The following LMNA variants were observed in gnomAD, a reference collection of about 807,000 sequenced individuals.
LMNA encodes lamin.
LMNA carries 20 observed loss-of-function variants against 70.4 expected under a neutral mutation model. That is an observed-to-expected ratio of 0.28 (90% confidence interval 0.20 to 0.41). The LOEUF is 0.41. Ranked by LOEUF, LMNA falls within the 10% of genes least tolerant of loss-of-function variation. The pLI, the probability that LMNA is intolerant of heterozygous loss-of-function variation, is 1.00. For missense variants in LMNA, 652 were observed against 917.2 expected, an observed-to-expected ratio of 0.71 and a Z score of 3.73; for synonymous variants, 339 against 372.8, an observed-to-expected ratio of 0.91 and a Z score of 1.04.
chr1:156,090,109 G>T (rs1648642135), intron 2 of LMNA, among the ~76,000 whole-genome samples: 1 of 152,200 alleles, frequency 6.6e-6, no homozygotes, highest in Non-Finnish European at 1.5e-5. Flanking sequence ...TTTTCTAATT[G>T]CCCTCTCTGT....
chr1:156,086,382 GGTGAC>G (rs983234107), intron 2 of LMNA, among the ~76,000 whole-genome samples: 4 of 129,776 alleles, frequency 3.1e-5, no homozygotes, highest in African/African-American at 1.3e-4. Flanking sequence ...CTGGAATGCA[GGTGAC>G]CTCTGACTCT....
At chr1:156,099,226 G>C (rs868616718) in intron 3 of LMNA, among the ~76,000 whole-genome samples, 1 of 152,134 alleles carries the variant, frequency 6.6e-6, no homozygotes, top group South Asian at 2.1e-4. Flanking sequence ...TCTAGGCCTG[G>C]ATTGTGGCTT....
intron 1 of LMNA, among the ~76,000 whole-genome samples, chr1:156,123,568 C>A (rs1446989522): frequency 6.6e-6 from 1 of 152,158 alleles, no homozygotes; most frequent in Non-Finnish European, 1.5e-5. Flanking sequence ...CTCCCTCCCG[C>A]CCCCTTCAGG....
chr1:156,133,348 A>G (rs981008765), intron 2 of LMNA, among the ~76,000 whole-genome samples: 1 of 151,846 alleles, frequency 6.6e-6, no homozygotes, highest in African/African-American at 2.4e-5. Context: ...CAAGGTGGGC[A>G]GATCACGAGG....
chr1:156,114,737 A>C lies in LMNA; in HGVS notation c.-182A>C, dbSNP rs1052202445. ...GTGTTCGCGGGAGCGCCGCACCTAC[A>C]CCAGCCAACCCAGATCCCGAGGTCC... On this transcript the variant is annotated 5_prime_UTR_variant, in exon 1 of 12. Coordinates refer to ENST00000368300, the MANE Select transcript of LMNA (RefSeq NM_170707.4). 2 of 575,560 alleles carry C rather than the reference A, an allele frequency of 3.5e-6. No homozygotes were observed. The highest frequency in any genetic ancestry group is 6.1e-6 in the Non-Finnish European group (2 of 330,450). The allele number at this position is 575,560 out of a possible 1,614,324, so 35.7% of individuals were successfully genotyped here.
chr1:156,082,606 T>G (rs866297491), exon 1 of LMNA: 6 of 152,096 alleles, frequency 3.9e-5, no homozygotes, highest in Middle Eastern at 6.8e-3. Flanking sequence ...GATAGGGATG[T>G]GGCCTTCGGT....
chr1:156,125,667 C>A (rs916328414), intron 1 of LMNA, among the ~76,000 whole-genome samples: 13 of 151,894 alleles, frequency 8.6e-5, no homozygotes, highest in South Asian at 2.1e-4. Context: ...CTAGCCTGGG[C>A]AACACAGTGA....
chr1:156,126,476 C>G, intron 1 of LMNA: 1 of 644,380 alleles, frequency 1.6e-6, no homozygotes, highest in Non-Finnish European at 2.9e-6. Flanking sequence ...TTGGGCTGAG[C>G]AGGGTGACTC....
intron 3 of LMNA, among the ~76,000 whole-genome samples, chr1:156,106,482 C>A (rs1434547427): frequency 6.6e-6 from 1 of 152,254 alleles, no homozygotes; most frequent in African/African-American, 2.4e-5. Context: ...ACGCAGTCGC[C>A]TGCGTCAGCA....
At chr1:156,098,509 T>C (rs142683128) in intron 3 of LMNA, among the ~76,000 whole-genome samples, 26 of 152,318 alleles carry the variant, frequency 1.7e-4, no homozygotes, top group African/African-American at 5.5e-4. Flanking sequence ...CTGTCTACCA[T>C]GTTACATCAG....
intron 1 of LMNA, among the ~76,000 whole-genome samples, chr1:156,127,216 G>A (rs1650662996): frequency 6.6e-6 from 1 of 152,188 alleles, no homozygotes. Flanking sequence ...GGGGCAGGGA[G>A]GAGGGAGGAG....
At position 156,135,575 on chromosome 1, in the gene LMNA, A is replaced by G. The variant is rs1453624650; in HGVS notation, c.936+263A>G. Among the ~76,000 whole-genome samples, 1 of 152,188 alleles carries G rather than the reference A, an allele frequency of 6.6e-6. No individual in the cohort carries two copies. The highest frequency in any genetic ancestry group is 1.5e-5 in the Non-Finnish European group (1 of 68,024). ...AATGGAGGCTGTTCTTAATCTCCCT[A>G]ACTCAGAGTTGCCACAGGACTCTGC... On this transcript the variant is annotated intron_variant, in intron 5 of 11. Coordinates refer to ENST00000368300, the MANE Select transcript of LMNA (RefSeq NM_170707.4). This position sits in a 1 kb window ranked among gnomAD's most constrained non-coding sequence, Gnocchi z 4.8.
At chr1:156,085,747 T>G (rs1302109395) in intron 2 of LMNA, among the ~76,000 whole-genome samples, 1 of 152,178 alleles carries the variant, frequency 6.6e-6, no homozygotes, top group Non-Finnish European at 1.5e-5. Context: ...TCCTTATCTC[T>G]CAAATGGAAA....
chr1:156,130,727 G>A lies in LMNA; in HGVS notation c.467G>A (p.Arg156His), dbSNP rs764475194. Residue 156 changes from arginine (R) to histidine (H), a missense_variant, in exon 2 of 12, where the codon CGC becomes CAC. Coordinates refer to ENST00000368300, the MANE Select transcript of LMNA (RefSeq NM_170707.4). ...AALSTALSEKRTLEGELHDLR... is the reference protein window; with the variant it reads ...AALSTALSEKHTLEGELHDLR... The stretch of plus-strand genomic sequence containing the variant: ...CTGAGCACTGCTCTCAGTGAGAAGC[G>A]CACGCTGGAGGGCGAGCTGCATGAT... The A allele has an allele frequency of 1.6e-5, 26 of 1,609,758 alleles. No individual in the cohort carries two copies. The highest frequency in any genetic ancestry group is 6.7e-5 in the African/African-American group (5 of 74,826).
chr1:156,088,468 T>TGAA (rs1648568369), intron 2 of LMNA, among the ~76,000 whole-genome samples: 1 of 152,128 alleles, frequency 6.6e-6, no homozygotes, highest in South Asian at 2.1e-4. Context: ...CTGGCCTGCA[T>TGAA]GACCCAGAGA....
Position 156,135,638 on chromosome 1 carries a change from G to T in LMNA, c.937-263G>T. On this transcript the variant is annotated intron_variant, in intron 5 of 11. Coordinates refer to ENST00000368300, the MANE Select transcript of LMNA (RefSeq NM_170707.4). The surrounding 1 kb of genome is among the most constrained non-coding windows in gnomAD (Gnocchi z 4.8). ...TAAAAGCATCAGTATTTTTCTAGTT[G>T]GCTGTGCTATTTGTGACAGGAGAAA... 1 of 593,218 alleles carries T rather than the reference G, an allele frequency of 1.7e-6. No individual in the cohort carries two copies. The highest frequency in any genetic ancestry group is 3.0e-6 in the Non-Finnish European group (1 of 333,832). The allele number at this position is 593,218 out of a possible 1,614,324, so 36.7% of individuals were successfully genotyped here.
rs182816936 is a variant in LMNA at position 156,122,813 on chromosome 1, A to G, written c.356+7539A>G. On this transcript the variant is annotated intron_variant, in intron 1 of 11. Transcript: ENST00000368300. ...GGTGACCTTGGGCTGCCCACCTTCTACCCTTCCAGCACCCATACTGGCTCC... is the reference window on the plus strand; with the variant it reads ...GGTGACCTTGGGCTGCCCACCTTCTGCCCTTCCAGCACCCATACTGGCTCC... 2.9e-4 allele frequency among the ~76,000 whole-genome samples: 44 copies of G among 152,162 alleles called. No individual in the cohort carries two copies. The East Asian group carries it at 7.0e-3, about 24-fold the overall frequency.
intron 3 of LMNA, among the ~76,000 whole-genome samples, chr1:156,093,299 ATTTTTTT>A (rs758670532): frequency 3.5e-5 from 4 of 113,946 alleles, no homozygotes; most frequent in African/African-American, 1.2e-4. Context: ...TTATATGTCA[ATTTTTTT>A]TTTTTTTTTT....
intron 2 of LMNA, among the ~76,000 whole-genome samples, chr1:156,132,837 CTTTTTTT>C (rs34451254): frequency 2.1e-5 from 2 of 93,078 alleles, no homozygotes; most frequent in Non-Finnish European, 4.2e-5. Context: ...CTCTCTCTCT[CTTTTTTT>C]TTTTTTTTTT....
Sources: allele counts gnomAD v4.1 joint callset (sites outside exome capture counted in the v4.1 genomes callset), GRCh38; gene constraint gnomAD v4.1.1; non-coding constraint Gnocchi (gnomAD v3.1); transcripts MANE v1.5; gene names NCBI Gene and HGNC (gene_info 2026-07-23, HGNC 2026-07-21).